ITCH: variants seen among roughly 807,000 people sequenced by gnomAD.
ITCH encodes the protein itchy E3 ubiquitin protein ligase.
A neutral mutation model predicts 126.8 loss-of-function variants in ITCH; 28 were observed. The ratio of observed to expected loss-of-function variants is 0.22; its 90% CI spans 0.16 to 0.30. The LOEUF (loss-of-function observed/expected upper bound fraction) is 0.30. Ranked by LOEUF, ITCH falls within the 10% of genes least tolerant of loss-of-function variation. The pLI is 1.00. For synonymous variants in ITCH, 342 were observed against 340.0 expected, an observed-to-expected ratio of 1.01 and a Z score of -0.06; for missense variants, 631 against 1,032.4, an observed-to-expected ratio of 0.61 and a Z score of 5.33.
At chr20:34,489,958 C>A in intron 22 of ITCH, 32 bp downstream of exon 22, 4 of 1,523,700 alleles carry the variant, frequency 2.6e-6, no homozygotes, top group African/African-American at 1.4e-5. Context: ...TATTAGTTGA[C>A]ACAGCATAAT....
intron 20 of ITCH, among the ~76,000 whole-genome samples, chr20:34,486,167 A>G (rs1646188047): frequency 6.6e-6 from 1 of 151,740 alleles, no homozygotes; most frequent in Non-Finnish European, 1.5e-5. Context: ...GGCATGTACT[A>G]CCATGCCTGG....
chr20:34,453,191 T>C (rs773054777), intron 12 of ITCH, among the ~76,000 whole-genome samples: 148 of 152,342 alleles, frequency 9.7e-4, no homozygotes, highest in Non-Finnish European at 1.7e-3. Context: ...CACAAATGTG[T>C]CAAGGCTGAT....
chr20:34,393,841 A>C lies in ITCH; in HGVS notation c.30A>C (p.Ser10=). Reference sequence around the variant, plus strand: ...CTGACAGTGGATCACAACTTGGTTCAATGGGTAGCCTCACCATGAAATCAC... The same window carrying C: ...CTGACAGTGGATCACAACTTGGTTCCATGGGTAGCCTCACCATGAAATCAC... MSDSGSQLG[S]MGSLTMKSQL... Residue 10 remains serine, a synonymous_variant, in exon 3 of 25, where the codon TCA becomes TCC. Transcript: ENST00000374864. 6.2e-7 allele frequency: 1 copy of C among 1,614,086 alleles called. No homozygotes were observed. Among genetic ancestry groups the C allele is most frequent in the Non-Finnish European group, 8.5e-7 (1 of 1,179,950 alleles).
intron 14 of ITCH, among the ~76,000 whole-genome samples, chr20:34,468,788 C>T (rs1164858184): frequency 3.7e-5 from 4 of 108,934 alleles, no homozygotes; most frequent in Admixed American, 3.3e-4. Flanking sequence ...AAGACTCCAT[C>T]TCAAAAAAAA....
At chr20:34,507,181 C>T (rs1157719684) in intron 24 of ITCH, among the ~76,000 whole-genome samples, 1 of 151,308 alleles carries the variant, frequency 6.6e-6, no homozygotes, top group East Asian at 1.9e-4. Context: ...AGTGACTACA[C>T]TGCGTTATAT....
intron 14 of ITCH, among the ~76,000 whole-genome samples, chr20:34,464,954 A>AC (rs564029160): frequency 1.3e-3 from 199 of 151,824 alleles, no homozygotes; most frequent in Middle Eastern, 3.4e-3. Flanking sequence ...CGTGATCCAC[A>AC]CCCCCTCAGC....
At chr20:34,492,706 C>G in intron 23 of ITCH, 109 bp downstream of exon 23, 2 of 768,784 alleles carry the variant, frequency 2.6e-6, no homozygotes, top group Admixed American at 1.8e-5. Flanking sequence ...TAGCCATTTT[C>G]TTAACTATTC....
At chr20:34,476,342 G>A (rs553956197) in intron 16 of ITCH, 7 of 1,309,828 alleles carry the variant, frequency 5.3e-6, no homozygotes, top group South Asian at 2.6e-5. Context: ...TCCGCGCTCC[G>A]GCCCGGTCCC....
At chr20:34,491,297 A>T (rs1386254958) in intron 22 of ITCH, among the ~76,000 whole-genome samples, 1 of 152,252 alleles carries the variant, frequency 6.6e-6, no homozygotes, top group Non-Finnish European at 1.5e-5. Flanking sequence ...AGTAAGCCAG[A>T]CACAAACGGA....
At chr20:34,466,288 G>C (rs779936629) in intron 14 of ITCH, 2 of 480,774 alleles carry the variant, frequency 4.2e-6, no homozygotes, top group South Asian at 1.5e-5. Context: ...AAGGATTAAA[G>C]TGTGCTTTTA....
chr20:34,371,707 T>G (rs1280865688), intron 2 of ITCH, among the ~76,000 whole-genome samples: 1 of 152,204 alleles, frequency 6.6e-6, no homozygotes. Flanking sequence ...TTTAAAATAT[T>G]TCTCAGCATA....
chr20:34,368,042 G>A (rs535980899), intron 1 of ITCH, among the ~76,000 whole-genome samples: 24 of 152,188 alleles, frequency 1.6e-4, no homozygotes, highest in Non-Finnish European at 1.2e-4. Flanking sequence ...AGGCTGAAGC[G>A]GGCAGATCAC....
intron 12 of ITCH, among the ~76,000 whole-genome samples, chr20:34,454,757 C>G (rs1985695542): frequency 6.6e-6 from 1 of 151,012 alleles, no homozygotes; most frequent in Non-Finnish European, 1.5e-5. Context: ...TAAAACTGAT[C>G]CAGATGATCT....
At chr20:34,389,356 G>A (rs554243458) in intron 2 of ITCH, among the ~76,000 whole-genome samples, 1 of 152,086 alleles carries the variant, frequency 6.6e-6, no homozygotes, top group South Asian at 2.1e-4. Flanking sequence ...GCATATAAGT[G>A]GATCTGTGCA....
chr20:34,456,777 T>C (rs1374145914), intron 12 of ITCH, among the ~76,000 whole-genome samples: 2 of 151,626 alleles, frequency 1.3e-5, no homozygotes, highest in African/African-American at 2.4e-5. Context: ...AGATGAGGGT[T>C]CACCATATGG....
chr20:34,475,967 A>G, intron 16 of ITCH: 1 of 1,592,720 alleles, frequency 6.3e-7, no homozygotes, highest in African/African-American at 1.3e-5. Context: ...GGCATCAGCC[A>G]CTGTTTCAGG....
rs557605905 is a variant in ITCH, at chr20:34,495,016, C to T, written c.2416+2419C>T. ...CCTGTAATCCCAGCACGTTGGGAGG[C>T]CGAGGCAGGCGGATCACCTGAGGTC... On this transcript the variant is annotated intron_variant, in intron 23 of 24. Transcript: ENST00000374864. Among the ~76,000 whole-genome samples, 3 of 151,524 alleles carry T rather than the reference C, an allele frequency of 2.0e-5. No individual in the cohort carries two copies. In the South Asian group the frequency reaches 6.3e-4, roughly 32 times the overall value.
intron 23 of ITCH, among the ~76,000 whole-genome samples, chr20:34,500,664 T>C (rs146246422): frequency 6.6e-6 from 1 of 152,328 alleles, no homozygotes; most frequent in African/African-American, 2.4e-5. Flanking sequence ...TATCCACTTA[T>C]ATTCAAGGTT....
intron 23 of ITCH, among the ~76,000 whole-genome samples, chr20:34,502,977 C>T (rs1216081714): frequency 1.3e-5 from 2 of 152,070 alleles, no homozygotes; most frequent in East Asian, 3.8e-4. Flanking sequence ...GTGCCACTGC[C>T]ATCCAGCCAG....
Sources: allele counts gnomAD v4.1 joint callset (sites outside exome capture counted in the v4.1 genomes callset), GRCh38; gene constraint gnomAD v4.1.1; transcripts MANE v1.5; gene names NCBI Gene and HGNC (gene_info 2026-07-23, HGNC 2026-07-21).